AK2: variants seen among roughly 807,000 people sequenced by gnomAD.
AK2 encodes the protein adenylate kinase 2, also known as adenylate kinase 2, mitochondrial.
A neutral mutation model predicts 24.6 loss-of-function variants in AK2; 15 were observed. The ratio of observed to expected loss-of-function variants is 0.61; its 90% CI spans 0.41 to 0.94. The LOEUF is 0.94. AK2 is among the 40% of genes least tolerant of loss of function. AK2 has a pLI of 0.00. For missense variants in AK2, 257 were observed against 304.1 expected, an observed-to-expected ratio of 0.85 and a Z score of 1.15; for synonymous variants, 102 against 114.0, an observed-to-expected ratio of 0.90 and a Z score of 0.67.
At chr1:33,028,229 C>T (rs945076020) in intron 1 of AK2, among the ~76,000 whole-genome samples, 7 of 152,120 alleles carry the variant, frequency 4.6e-5, no homozygotes, top group Non-Finnish European at 7.4e-5. Flanking sequence ...TCCGGCTGGG[C>T]GCGGTGGCTC....
intron 4 of AK2, chr1:33,019,702 T>A: frequency 9.7e-7 from 1 of 1,028,890 alleles, no homozygotes; most frequent in African/African-American, 1.7e-5. Context: ...ATGTTCAACC[T>A]CATTAGGAAA....
rs1638597154 is a variant in AK2, at chr1:33,008,283, T to C, written c.*4898A>G. The stretch of plus-strand genomic sequence containing the variant: ...TCTACTGATGAGGTGAGATAACTTG[T>C]CCAAGGTCGCATGGTGAAGTCGCTG... On this transcript the variant is annotated 3_prime_UTR_variant, in exon 6 of 6. Transcript: ENST00000672715. The C allele has an allele frequency of 2.2e-6, 1 of 453,944 alleles. No homozygotes were observed. The highest frequency in any genetic ancestry group is 1.6e-5 in the South Asian group (1 of 64,476). The allele number at this position is 453,944 out of a possible 1,614,324, so 28.1% of individuals were successfully genotyped here. A position where few individuals can be genotyped will look rare whatever the true frequency, so the allele number is the denominator to read the frequency against.
Position 33,013,346 on chromosome 1 carries a change from G to A in AK2, c.555C>T (p.Ile185=), listed in dbSNP as rs747733719. 1.2e-5 allele frequency: 20 copies of A among 1,614,032 alleles called. No homozygotes were observed. Among genetic ancestry groups the A allele is most frequent in the Non-Finnish European group, 1.7e-6 (2 of 1,179,984 alleles). ...TTTGAGTGTGGTAGGCTTGCAGGCG[G>A]ATTTTCAAGGCCTTTTCATTATCAT... ...RSDDNEKALK[I]RLQAYHTQTT... Residue 185 remains isoleucine, a synonymous_variant, in exon 6 of 6, where the codon ATC becomes ATT. Transcript: ENST00000672715.
rs1482021193 is a variant in AK2 at position 33,009,343 on chromosome 1, A to G, written c.*3838T>C. The G allele has an allele frequency of 2.2e-6, 1 of 454,150 alleles. No individual in the cohort carries two copies. 28.1% of individuals were successfully genotyped at this position (454,150 alleles called of 1,614,324 possible). ...AGGAAATGAATTTAAACTAGGACAC[A>G]CAGAGAAGCAACAAAGAGTGTTAAA... On this transcript the variant is annotated 3_prime_UTR_variant, in exon 6 of 6. Transcript: ENST00000672715.
chr1:33,010,817 G>A lies in AK2; in HGVS notation c.*2364C>T, dbSNP rs761849428. ...GATGAGCAGTGTTGCAGTCTCGCCT[G>A]GCCTTCTGATACTAGGCTGAAATAG... On this transcript the variant is annotated 3_prime_UTR_variant, in exon 6 of 6. Transcript: ENST00000672715. The A allele has an allele frequency of 6.8e-6, 11 of 1,614,132 alleles. No individual in the cohort carries two copies. The African/African-American group carries it at 1.5e-4, about 22-fold the overall frequency.
chr1:33,025,138 T>C (rs1325749018), intron 1 of AK2, among the ~76,000 whole-genome samples: 2 of 143,004 alleles, frequency 1.4e-5, no homozygotes, highest in Non-Finnish European at 3.0e-5. Context: ...TGAGCTGAGA[T>C]TGCACCACAG....
rs376193915 is a variant in AK2 at position 33,033,200 on chromosome 1, G to A, written c.93+3536C>T. On this transcript the variant is annotated intron_variant, in intron 1 of 5. Coordinates refer to ENST00000672715, the MANE Select transcript of AK2 (RefSeq NM_001625.4). ...AAAAGAAAAATAATCCAATTTCTTCGGCAAAACCCCAGGAAAAAAAGAGAA... is the reference window on the plus strand; with the variant it reads ...AAAAGAAAAATAATCCAATTTCTTCAGCAAAACCCCAGGAAAAAAAGAGAA... Among the ~76,000 whole-genome samples, 26 of 151,358 alleles carry A rather than the reference G, an allele frequency of 1.7e-4. 2 individuals carry two copies. The highest frequency in any genetic ancestry group is 1.9e-4 in the African/African-American group (8 of 41,308).
intron 4 of AK2, among the ~76,000 whole-genome samples, chr1:33,018,651 TA>T (rs1639343809): frequency 6.6e-6 from 1 of 152,170 alleles, no homozygotes; most frequent in South Asian, 2.1e-4. Flanking sequence ...GAAGTCACAC[TA>T]ACCACCTACT....
intron 1 of AK2, 132 bp from the exon 2 acceptor site, chr1:33,024,699 A>G (rs1028860745): frequency 4.6e-6 from 5 of 1,087,590 alleles, no homozygotes; most frequent in Non-Finnish European, 6.9e-6. Context: ...CCTTACCTGT[A>G]ATGGGGATAA....
chr1:33,032,522 T>G (rs958783837), intron 1 of AK2: 3 of 152,148 alleles, frequency 2.0e-5, no homozygotes, highest in Non-Finnish European at 4.4e-5. Flanking sequence ...TGAGGGGAAG[T>G]TTCTCTTTAT....
rs974384951 is a variant in AK2, at chr1:33,009,465, T to C, written c.*3716A>G. The C allele has an allele frequency of 1.5e-5, 7 of 454,042 alleles. No homozygotes were observed. The highest frequency in any genetic ancestry group is 1.4e-4 in the African/African-American group (7 of 50,022). The allele number at this position is 454,042 out of a possible 1,614,324, so 28.1% of individuals were successfully genotyped here. On this transcript the variant is annotated 3_prime_UTR_variant, in exon 6 of 6. Transcript: ENST00000672715. ...GTGTCCATTCAACAGTTATCCAGCC[T>C]GGCAGGAAGCAGATATCTTTCTGTG... is the stretch of plus-strand genomic sequence containing the variant.
In AK2 at chr1:33,013,192, T is replaced by G; in HGVS notation, c.709A>C (p.Met237Leu). The G allele has an allele frequency of 6.2e-7, 1 of 1,614,202 alleles. No individual in the cohort carries two copies. The highest frequency in any genetic ancestry group is 8.5e-7 in the Non-Finnish European group (1 of 1,180,042). ...TCTTGGACCCAACATTAGATAAACA[T>G]AACCAAGTCTTTACATGTGGCTTTG... ...FSKATCKDLV[M>L]FI Residue 237 changes from methionine to leucine, a missense_variant, in exon 6 of 6, where the codon ATG (methionine) becomes CTG (leucine). By Grantham distance (15) the Met-to-Leu change is conservative (BLOSUM62 2). Coordinates refer to ENST00000672715, the MANE Select transcript of AK2 (RefSeq NM_001625.4).
rs1377168088 is a variant in AK2 at position 33,012,585 on chromosome 1, CA to C, written c.*595del. ...GTTCATTTTGGTCAAAAAATAAAATCAAAAGTATGGTTAAAGAAGTAAACAG... is the reference window on the plus strand; with the variant it reads ...GTTCATTTTGGTCAAAAAATAAAATCAAAGTATGGTTAAAGAAGTAAACAG... On this transcript the variant is annotated 3_prime_UTR_variant, in exon 6 of 6. Coordinates refer to ENST00000672715, the MANE Select transcript of AK2 (RefSeq NM_001625.4). 1.5e-6 allele frequency: 2 copies of C among 1,295,392 alleles called. No individual in the cohort carries two copies. The highest frequency in any genetic ancestry group is 2.0e-6 in the Non-Finnish European group (2 of 994,552). The allele number at this position is 1,295,392 out of a possible 1,614,324, so 80.2% of individuals were successfully genotyped here. A position where few individuals can be genotyped will look rare whatever the true frequency, so the allele number is the denominator to read the frequency against.
Position 33,008,099 on chromosome 1 carries a change from C to T in AK2, c.*5082G>A, listed in dbSNP as rs983085686. Reference sequence around the variant, plus strand: ...TTCTAGGGGATCCTTAGCCTGGTTCCGGATGGTCAGTAAGACAACTTTCTT... The same window carrying T: ...TTCTAGGGGATCCTTAGCCTGGTTCTGGATGGTCAGTAAGACAACTTTCTT... On this transcript the variant is annotated 3_prime_UTR_variant, in exon 6 of 6. Coordinates refer to ENST00000672715, the MANE Select transcript of AK2 (RefSeq NM_001625.4). 12 of 453,982 alleles carry T rather than the reference C, an allele frequency of 2.6e-5. No individual in the cohort carries two copies. The highest frequency in any genetic ancestry group is 6.8e-4 in the Middle Eastern group (1 of 1,464). 28.1% of individuals were successfully genotyped at this position (453,982 alleles called of 1,614,324 possible).
chr1:33,036,182 G>A (rs898211042), intron 1 of AK2, among the ~76,000 whole-genome samples: 1 of 152,132 alleles, frequency 6.6e-6, no homozygotes, highest in Non-Finnish European at 1.5e-5. Context: ...CAAACAGGGA[G>A]AGCCTTAGGT....
intron 1 of AK2, 59 bp downstream of exon 1, chr1:33,036,677 G>C: frequency 6.8e-7 from 1 of 1,480,614 alleles, no homozygotes; most frequent in East Asian, 2.5e-5. Context: ...CTAGATCTCC[G>C]GCCGCCTTGA....
chr1:33,020,188 A>AACACACACAC lies in AK2; in HGVS notation c.425+1169_425+1178dup, dbSNP rs56098182. ...TATTACAGAGAAACAAACATGTTAA[A>AACACACACAC]ACACACACACACACACACACACACA... On this transcript the variant is annotated intron_variant, in intron 4 of 5. Coordinates refer to ENST00000672715, the MANE Select transcript of AK2 (RefSeq NM_001625.4). 6,215 of 876,800 alleles carry AACACACACAC rather than the reference A, an allele frequency of 7.1e-3. 22 individuals carry two copies. Among genetic ancestry groups the AACACACACAC allele is most frequent in the East Asian group, 0.011 (394 of 34,956 alleles). 54.3% of individuals were successfully genotyped at this position (876,800 alleles called of 1,614,324 possible).
chr1:33,035,718 G>T (rs1640537274), intron 1 of AK2, among the ~76,000 whole-genome samples: 2 of 152,144 alleles, frequency 1.3e-5, no homozygotes, highest in African/African-American at 4.8e-5. Context: ...CAGATCCCAA[G>T]TGAGGCCCCT....
intron 4 of AK2, chr1:33,020,188 AACACACACACAC>A (rs56098182): frequency 1.5e-3 from 1,339 of 875,860 alleles, no homozygotes; most frequent in South Asian, 4.4e-3. Context: ...AACATGTTAA[AACACACACACAC>A]ACACACACAC....
Sources: allele counts gnomAD v4.1 joint callset (sites outside exome capture counted in the v4.1 genomes callset), GRCh38; gene constraint gnomAD v4.1.1; transcripts MANE v1.5; gene names NCBI Gene and HGNC (gene_info 2026-07-23, HGNC 2026-07-21).